Variants in POLDIP3 observed in about 807,000 individuals in gnomAD.
POLDIP3 encodes polymerase delta-interacting protein 3.
Under a neutral mutation model 45.1 loss-of-function variants are expected in POLDIP3, and 14 were observed. That is an observed-to-expected ratio of 0.31 (90% CI 0.20 to 0.49). The LOEUF (loss-of-function observed/expected upper bound fraction) is 0.49, where lower values mean the gene tolerates loss of function less well. Ranked by LOEUF, POLDIP3 falls within the 20% of genes least tolerant of loss-of-function variation. The pLI, the probability that POLDIP3 is intolerant of heterozygous loss-of-function variation, is 0.99. For synonymous variants in POLDIP3, 223 were observed against 205.2 expected, an observed-to-expected ratio of 1.09 and a Z score of -0.74; for missense variants, 511 against 538.8, an observed-to-expected ratio of 0.95 and a Z score of 0.51.
At chr22:42,588,727 C>G (rs1414584945) in intron 7 of POLDIP3, among the ~76,000 whole-genome samples, 2 of 151,064 alleles carry the variant, frequency 1.3e-5, no homozygotes, top group African/African-American at 4.9e-5. Context: ...CTCCTGGGTT[C>G]AAGCGATTAT....
intron 7 of POLDIP3, among the ~76,000 whole-genome samples, chr22:42,588,100 C>A (rs1223641557): frequency 6.6e-6 from 1 of 152,064 alleles, no homozygotes; most frequent in Non-Finnish European, 1.5e-5. Flanking sequence ...GTGAATACAT[C>A]ATTAAAGGAA....
At chr22:42,609,865 A>T (rs1014265701) in intron 1 of POLDIP3, among the ~76,000 whole-genome samples, 13 of 152,198 alleles carry the variant, frequency 8.5e-5, no homozygotes, top group Non-Finnish European at 1.3e-4. Flanking sequence ...CACAAAGAAA[A>T]ACAAGACACT....
At chr22:42,586,340 G>GTT (rs137089) in intron 8 of POLDIP3, among the ~76,000 whole-genome samples, 1 of 151,660 alleles carries the variant, frequency 6.6e-6, no homozygotes, top group African/African-American at 2.4e-5. Flanking sequence ...GTTTTGTGGG[G>GTT]TTTTTTTGAG....
Position 42,611,351 on chromosome 22 carries a change from G to A in POLDIP3, c.59+3448C>T, listed in dbSNP as rs1323058936. ...ACCCTTTTCTTGACTCACAAGGTGT[G>A]AGGAACACAAAACAGAATGGCTGCT... On this transcript the variant is annotated intron_variant, in intron 1 of 8. Coordinates refer to ENST00000252115, the MANE Select transcript of POLDIP3 (RefSeq NM_032311.5). Among the ~76,000 whole-genome samples the A allele has an allele frequency of 2.0e-5, 3 of 152,168 alleles. No individual in the cohort carries two copies. The East Asian group carries it at 5.8e-4, about 29-fold the overall frequency.
At chr22:42,598,915 G>C (rs1926170646) in intron 4 of POLDIP3, among the ~76,000 whole-genome samples, 1 of 152,178 alleles carries the variant, frequency 6.6e-6, no homozygotes, top group Admixed American at 6.5e-5. Flanking sequence ...CATGATGTCT[G>C]ACCAACACTC....
intron 1 of POLDIP3, among the ~76,000 whole-genome samples, chr22:42,613,692 C>T (rs1927269809): frequency 6.6e-6 from 1 of 152,002 alleles, no homozygotes; most frequent in South Asian, 2.1e-4. Context: ...ACCGGGGAGG[C>T]GGAGGTTGCA....
intron 1 of POLDIP3, among the ~76,000 whole-genome samples, chr22:42,607,794 ACCG>A (rs1926844207): frequency 8.0e-6 from 1 of 125,002 alleles, no homozygotes. Context: ...TCTCTGCCCG[ACCG>A]CCACCCCGTC....
At chr22:42,602,726 T>C in intron 2 of POLDIP3, 44 bp downstream of exon 2, 1 of 1,548,416 alleles carries the variant, frequency 6.5e-7, no homozygotes, top group Non-Finnish European at 8.7e-7. Context: ...AATCTACCTT[T>C]GTTACTAGCT....
chr22:42,613,767 A>G (rs1430046629), intron 1 of POLDIP3, among the ~76,000 whole-genome samples: 1 of 152,034 alleles, frequency 6.6e-6, no homozygotes, highest in South Asian at 2.1e-4. Context: ...TCTCAAAAAA[A>G]ACATAAAAAT....
At chr22:42,609,992 G>A (rs1192822423) in intron 1 of POLDIP3, among the ~76,000 whole-genome samples, 1 of 152,212 alleles carries the variant, frequency 6.6e-6, no homozygotes, top group East Asian at 1.9e-4. Context: ...GGCCAACATG[G>A]TGAAACCCTG....
At chr22:42,586,680 C>T (rs1925334599) in intron 8 of POLDIP3, among the ~76,000 whole-genome samples, 1 of 152,180 alleles carries the variant, frequency 6.6e-6, no homozygotes, top group East Asian at 1.9e-4. Flanking sequence ...AGTTTAAGAA[C>T]TTATCCAAAT....
intron 6 of POLDIP3, among the ~76,000 whole-genome samples, chr22:42,595,074 C>T (rs560709328): frequency 2.0e-5 from 3 of 152,348 alleles, no homozygotes; most frequent in South Asian, 2.1e-4. Context: ...GAACTCGGAT[C>T]TCAGGAGGGC....
chr22:42,595,527 C>T lies in POLDIP3; in HGVS notation c.891+10G>A, dbSNP rs1211093315. On this transcript the variant is annotated intron_variant, in intron 6 of 8. Transcript: ENST00000252115. ...TGAGATTTAAATGTTTGGTAGGTCA[C>T]AGTACTTACAACAATGTCCTCCTCA... 1.2e-6 allele frequency: 2 copies of T among 1,612,086 alleles called. No individual in the cohort carries two copies. Among genetic ancestry groups the T allele is most frequent in the East Asian group, 2.2e-5 (1 of 44,874 alleles).
At chr22:42,611,873 T>A (rs1439008137) in intron 1 of POLDIP3, among the ~76,000 whole-genome samples, 1 of 152,036 alleles carries the variant, frequency 6.6e-6, no homozygotes, top group Non-Finnish European at 1.5e-5. Context: ...TGAGACTCCA[T>A]CTCAAAAAAA....
chr22:42,609,524 A>G (rs1453761950), intron 1 of POLDIP3, among the ~76,000 whole-genome samples: 1 of 152,170 alleles, frequency 6.6e-6, no homozygotes, highest in Non-Finnish European at 1.5e-5. Flanking sequence ...CTGTCTGGGG[A>G]GGGCAGGGCT....
At chr22:42,604,271 C>G (rs1393363466) in intron 1 of POLDIP3, among the ~76,000 whole-genome samples, 2 of 152,132 alleles carry the variant, frequency 1.3e-5, no homozygotes, top group Non-Finnish European at 2.9e-5. Context: ...TTTTTTCTCT[C>G]CCTACCCTGG....
intron 1 of POLDIP3, among the ~76,000 whole-genome samples, chr22:42,613,530 C>A (rs1927258235): frequency 6.6e-6 from 1 of 152,118 alleles, no homozygotes; most frequent in African/African-American, 2.4e-5. Context: ...GAGGCCGAGG[C>A]GGGAGGATCA....
In POLDIP3 at chr22:42,603,020, AGCCGGGCATCTGAGAGGCCAATCTTCT is replaced by A. The variant is rs1569302661; in HGVS notation, c.173_199del (p.Gln58_Arg66del). ...CCGGGCATCCTTGACTCCCAGTTTGAGCCGGGCATCTGAGAGGCCAATCTTCTGCCGGGCATCAAATCTCTGCTGGAA... is the reference window on the plus strand; with the variant it reads ...CCGGGCATCCTTGACTCCCAGTTTGAGCCGGGCATCAAATCTCTGCTGGAA... On this transcript the variant is annotated inframe_deletion, in exon 2 of 9. Coordinates refer to ENST00000252115, the MANE Select transcript of POLDIP3 (RefSeq NM_032311.5). The A allele has an allele frequency of 6.2e-6, 10 of 1,614,056 alleles. No individual in the cohort carries two copies. Among genetic ancestry groups the A allele is most frequent in the Non-Finnish European group, 8.5e-6 (10 of 1,180,018 alleles).
intron 8 of POLDIP3, 22 bp downstream of exon 8, chr22:42,587,484 G>A: frequency 6.2e-7 from 1 of 1,606,424 alleles, no homozygotes; most frequent in Non-Finnish European, 8.5e-7. Flanking sequence ...CCTCTCCCCA[G>A]CACCCCGCCT....
Sources: gnomAD v4.1 joint callset for allele counts (sites outside exome capture counted in the v4.1 genomes callset) on GRCh38, gnomAD v4.1.1 for gene constraint, MANE v1.5 for transcripts, NCBI Gene and HGNC (gene_info 2026-07-23, HGNC 2026-07-21) for gene names.